The following TMC1 variants were observed in gnomAD, a reference collection of about 807,000 sequenced individuals.
TMC1 encodes the protein transmembrane channel-like protein 1.
A neutral mutation model predicts 105.8 loss-of-function variants in TMC1; 84 were observed. The ratio of observed to expected loss-of-function variants is 0.79; its 90% confidence interval spans 0.67 to 0.95. The LOEUF (loss-of-function observed/expected upper bound fraction) is 0.95. Among genes scored for constraint, TMC1 ranks in the 40% least tolerant of loss-of-function variants. The probability of loss-of-function intolerance (pLI) is 0.00; values close to 1 mark genes in which losing one functional copy is unlikely to be tolerated. For synonymous variants in TMC1, 315 were observed against 311.5 expected (o/e 1.01, Z -0.12); for missense variants, 817 against 914.1 (o/e 0.89, Z 1.37).
chr9:72,566,833 G>A (rs1419265707), intron 1 of TMC1, among the ~76,000 whole-genome samples: 2 of 152,238 alleles, frequency 1.3e-5, no homozygotes, highest in African/African-American at 2.4e-5. Flanking sequence ...GCTTTCCTGG[G>A]TTATGGTCAC....
intron 6 of TMC1, among the ~76,000 whole-genome samples, chr9:72,690,209 C>A (rs1826441893): frequency 6.6e-6 from 1 of 151,988 alleles, no homozygotes; most frequent in Admixed American, 6.6e-5. Context: ...AATTTAACCT[C>A]AATTGCATAC....
intron 1 of TMC1, among the ~76,000 whole-genome samples, chr9:72,565,797 A>G (rs567842232): frequency 1.3e-5 from 2 of 152,198 alleles, no homozygotes; most frequent in Non-Finnish European, 2.9e-5. Context: ...TGCCCTTTAT[A>G]AAACCATCGG....
At chr9:72,594,381 A>G (rs935902433) in intron 2 of TMC1, among the ~76,000 whole-genome samples, 1 of 152,212 alleles carries the variant, frequency 6.6e-6, no homozygotes, top group Non-Finnish European at 1.5e-5. Flanking sequence ...GTACAGCTCC[A>G]TTGCAGCATC....
chr9:72,661,973 G>C (rs1825974905), intron 5 of TMC1, among the ~76,000 whole-genome samples: 1 of 152,090 alleles, frequency 6.6e-6, no homozygotes, highest in Non-Finnish European at 1.5e-5. Flanking sequence ...AAAACAGGTT[G>C]GTAGACTCGA....
intron 11 of TMC1, among the ~76,000 whole-genome samples, chr9:72,754,476 T>C (rs1008785292): frequency 5.3e-5 from 8 of 152,116 alleles, no homozygotes; most frequent in African/African-American, 1.9e-4. Context: ...CTCTCTCCTT[T>C]CCAGACTTCC....
chr9:72,710,563 C>A (rs1588043914), intron 8 of TMC1, among the ~76,000 whole-genome samples: 1 of 152,058 alleles, frequency 6.6e-6, no homozygotes, highest in South Asian at 2.1e-4. Context: ...TTATGTTTTC[C>A]TGTTGAACAA....
chr9:72,835,915 G>GTTTTCTTTTT, intron 23 of TMC1, 36 bp from the exon 24 acceptor site: 1 of 1,314,682 alleles, frequency 7.6e-7, no homozygotes, highest in Admixed American at 2.2e-5. Flanking sequence ...CTCTCTCCTT[G>GTTTTCTTTTT]TTTTTTTTTT....
chr9:72,758,345 G>T (rs1827703596), intron 12 of TMC1, among the ~76,000 whole-genome samples: 1 of 152,064 alleles, frequency 6.6e-6, no homozygotes, highest in African/African-American at 2.4e-5. Context: ...ATAAGAGAGA[G>T]GGAAGGACCT....
rs767177067 is a variant in TMC1 at position 72,669,288 on chromosome 9, G to A, written c.17-19421G>A. On this transcript the variant is annotated intron_variant, in intron 5 of 23. Coordinates refer to ENST00000297784, the MANE Select transcript of TMC1 (RefSeq NM_138691.3). ...TGCACCACTGCACTCCAGCCTGGGC[G>A]AAAGAGTAAGACTCTATCTAAAGAA... Among the ~76,000 whole-genome samples the A allele has an allele frequency of 1.2e-3, 188 of 152,120 alleles. 1 individual carries two copies. Among genetic ancestry groups the A allele is most frequent in the African/African-American group, 4.3e-3 (177 of 41,502 alleles).
chr9:72,836,075 TC>T lies in TMC1; in HGVS notation c.*104del, dbSNP rs1220557211. 1 of 1,345,956 alleles carries T rather than the reference TC, an allele frequency of 7.4e-7. No individual in the cohort carries two copies. Among genetic ancestry groups the T allele is most frequent in the Non-Finnish European group, 1.1e-6 (1 of 945,298 alleles). 83.4% of individuals were successfully genotyped at this position (1,345,956 alleles called of 1,614,324 possible). On this transcript the variant is annotated 3_prime_UTR_variant, in exon 24 of 24. Transcript: ENST00000297784. ...AACAAGCACTGTGGAACTGCTATTT[TC>T]CTGTTCTACCCTTGATGGATTTTCA...
At chr9:72,620,263 A>T (rs375716428) in intron 3 of TMC1, among the ~76,000 whole-genome samples, 1 of 151,808 alleles carries the variant, frequency 6.6e-6, no homozygotes, top group Non-Finnish European at 1.5e-5. Flanking sequence ...TATTATTAAG[A>T]TAGGATCTGG....
intron 18 of TMC1, among the ~76,000 whole-genome samples, chr9:72,815,447 T>C (rs1828770924): frequency 6.6e-6 from 1 of 152,188 alleles, no homozygotes; most frequent in East Asian, 1.9e-4. Flanking sequence ...CACATTTTCA[T>C]TGAAAAAATT....
chr9:72,784,410 AAAACAAACAAAC>A (rs139056601), intron 13 of TMC1, among the ~76,000 whole-genome samples: 8 of 151,470 alleles, frequency 5.3e-5, no homozygotes, highest in East Asian at 1.9e-4. Context: ...ACTATTGTTA[AAAACAAACAAAC>A]AAACAAACAA....
intron 2 of TMC1, among the ~76,000 whole-genome samples, chr9:72,584,090 A>G (rs1294377478): frequency 6.6e-6 from 1 of 152,240 alleles, no homozygotes; most frequent in Non-Finnish European, 1.5e-5. Context: ...AAAGAAATAC[A>G]AAACAAACTA....
At chr9:72,655,771 G>T in intron 5 of TMC1, 1 of 547,892 alleles carries the variant, frequency 1.8e-6, no homozygotes, top group Non-Finnish European at 3.3e-6. Context: ...AAAGATTACT[G>T]ATGCTTGTTT....
intron 1 of TMC1, among the ~76,000 whole-genome samples, chr9:72,524,389 A>G (rs183494838): frequency 1.3e-4 from 20 of 152,328 alleles, no homozygotes; most frequent in Non-Finnish European, 1.0e-4. Context: ...AGTATTTACC[A>G]TAGTGCCTGA....
chr9:72,541,731 G>C (rs1002208711), intron 1 of TMC1, among the ~76,000 whole-genome samples: 1 of 151,874 alleles, frequency 6.6e-6, no homozygotes, highest in African/African-American at 2.4e-5. Flanking sequence ...GGTGGTCTTG[G>C]GGGTATTGGC....
At chr9:72,712,745 T>C (rs1826856256) in intron 8 of TMC1, among the ~76,000 whole-genome samples, 1 of 152,220 alleles carries the variant, frequency 6.6e-6, no homozygotes, top group Admixed American at 6.5e-5. Flanking sequence ...TTTTCCTAAC[T>C]GAATACCCTT....
chr9:72,788,547 A>T, intron 14 of TMC1, 64 bp downstream of exon 14: 5 of 1,548,748 alleles, frequency 3.2e-6, no homozygotes. Flanking sequence ...GAGGCATTCC[A>T]TCTGGTCCAG....
Sources: gnomAD v4.1 joint callset for allele counts (sites outside exome capture counted in the v4.1 genomes callset) on GRCh38, gnomAD v4.1.1 for gene constraint, MANE v1.5 for transcripts, NCBI Gene and HGNC (gene_info 2026-07-23, HGNC 2026-07-21) for gene names.